The following BAZ1A variants were observed in gnomAD, a reference collection of about 807,000 sequenced individuals.
The protein encoded by BAZ1A is bromodomain adjacent to zinc finger domain 1A.
BAZ1A carries 50 observed loss-of-function variants against 185.2 expected under a neutral mutation model. That is an observed-to-expected ratio of 0.27 (90% CI 0.22 to 0.34). BAZ1A has a LOEUF of 0.34. Among genes scored for constraint, BAZ1A ranks in the 10% least tolerant of loss-of-function variants. The pLI, the probability that BAZ1A is intolerant of heterozygous loss-of-function variation, is 1.00. For synonymous variants in BAZ1A, 571 were observed against 615.6 expected (o/e 0.93, Z 1.07); for missense variants, 1,356 against 1,839.9 (o/e 0.74, Z 4.81).
intron 3 of BAZ1A, among the ~76,000 whole-genome samples, chr14:34,839,298 C>A (rs1322462940): frequency 1.3e-5 from 2 of 152,126 alleles, no homozygotes; most frequent in Non-Finnish European, 2.9e-5. Context: ...GTAATCCCAG[C>A]ACTTTGGGAG....
intron 4 of BAZ1A, among the ~76,000 whole-genome samples, chr14:34,824,372 T>TC (rs1466792010): frequency 2.3e-5 from 1 of 42,832 alleles, no homozygotes; most frequent in African/African-American, 1.2e-4. Flanking sequence ...GGACTCCATC[T>TC]CTTTAAAAAA....
chr14:34,802,769 T>C, intron 7 of BAZ1A, 85 bp downstream of exon 7: 2 of 1,401,778 alleles, frequency 1.4e-6, no homozygotes. Flanking sequence ...AGGCTATGGA[T>C]GTGAGGGGAG....
chr14:34,830,947 G>A (rs944757960), intron 3 of BAZ1A, among the ~76,000 whole-genome samples: 3 of 151,882 alleles, frequency 2.0e-5, no homozygotes, highest in Non-Finnish European at 2.9e-5. Flanking sequence ...AGTAGAGATG[G>A]GGTTTCTCCA....
intron 11 of BAZ1A, among the ~76,000 whole-genome samples, chr14:34,793,321 C>T (rs777335180): frequency 1.3e-5 from 2 of 152,146 alleles, no homozygotes; most frequent in Non-Finnish European, 2.9e-5. Context: ...GGTCATTATC[C>T]GCATTAGGTT....
At chr14:34,759,995 C>A (rs1886453630) in intron 24 of BAZ1A, among the ~76,000 whole-genome samples, 1 of 152,026 alleles carries the variant, frequency 6.6e-6, no homozygotes, top group Non-Finnish European at 1.5e-5. Flanking sequence ...ATTTTAATAT[C>A]TAGATAATGT....
intron 23 of BAZ1A, among the ~76,000 whole-genome samples, chr14:34,764,215 A>G (rs117707680): frequency 0.064 from 9,628 of 151,224 alleles, 416 homozygotes; most frequent in Non-Finnish European, 0.099. Context: ...CCTTGGGAAT[A>G]TTTTTGAATG....
At chr14:34,754,074 G>A (rs1406386581) in intron 26 of BAZ1A, among the ~76,000 whole-genome samples, 1 of 151,814 alleles carries the variant, frequency 6.6e-6, no homozygotes, top group African/African-American at 2.4e-5. Context: ...GCAACATGGT[G>A]AAACCCCATC....
At chr14:34,773,761 A>T (rs1879397677) in intron 19 of BAZ1A, 35 bp from the exon 20 acceptor site, 1 of 1,602,824 alleles carries the variant, frequency 6.2e-7, no homozygotes, top group African/African-American at 1.3e-5. Context: ...ACCATGAAAA[A>T]TGGAATATAT....
intron 14 of BAZ1A, among the ~76,000 whole-genome samples, chr14:34,784,453 T>G (rs919274926): frequency 3.9e-5 from 6 of 151,972 alleles, no homozygotes; most frequent in African/African-American, 1.4e-4. Context: ...AATGTCTATC[T>G]TGTATACTAG....
intron 2 of BAZ1A, among the ~76,000 whole-genome samples, chr14:34,866,502 A>AAAAAAAAG: frequency 1.3e-5 from 1 of 79,538 alleles, no homozygotes; most frequent in African/African-American, 3.8e-5. Flanking sequence ...AAAAAAAAAA[A>AAAAAAAAG]GAAAAAAGTT....
intron 4 of BAZ1A, among the ~76,000 whole-genome samples, chr14:34,820,539 T>C (rs1315054390): frequency 2.0e-5 from 3 of 152,256 alleles, no homozygotes; most frequent in Non-Finnish European, 4.4e-5. Flanking sequence ...TCTCATTCTC[T>C]TGACAAGGTC....
At chr14:34,863,304 C>T (rs2042802563) in intron 2 of BAZ1A, among the ~76,000 whole-genome samples, 1 of 151,766 alleles carries the variant, frequency 6.6e-6, no homozygotes, top group Non-Finnish European at 1.5e-5. Context: ...GCTGGGATTA[C>T]AGGCATGTGC....
chr14:34,771,493 A>G lies in BAZ1A; in HGVS notation c.3301+18T>C. The stretch of plus-strand genomic sequence containing the variant: ...CTTATAACACAACTAATATTTTGAA[A>G]TAAAAACAGATACTTACCAAGTGGA... On this transcript the variant is annotated intron_variant, in intron 21 of 26. Transcript: ENST00000360310. 1 of 1,594,468 alleles carries G rather than the reference A, an allele frequency of 6.3e-7. No individual in the cohort carries two copies. The highest frequency in any genetic ancestry group is 8.5e-7 in the Non-Finnish European group (1 of 1,173,408).
intron 4 of BAZ1A, among the ~76,000 whole-genome samples, chr14:34,820,311 T>C (rs927294937): frequency 6.6e-6 from 1 of 151,950 alleles, no homozygotes; most frequent in Admixed American, 6.6e-5. Flanking sequence ...TGTGGTTTTT[T>C]GTAGAGATGG....
At chr14:34,795,279 C>G (rs1182845587) in intron 10 of BAZ1A, among the ~76,000 whole-genome samples, 2 of 152,148 alleles carry the variant, frequency 1.3e-5, no homozygotes, top group African/African-American at 2.4e-5. Flanking sequence ...ATTAATCTAC[C>G]ATCTACTAAT....
chr14:34,762,059 C>G lies in BAZ1A; in HGVS notation c.3941G>C (p.Ser1314Thr). The G allele has an allele frequency of 6.2e-7, 1 of 1,614,148 alleles. No homozygotes were observed. Among genetic ancestry groups the G allele is most frequent in the South Asian group, 1.1e-5 (1 of 91,086 alleles). ...AGGAGCAGAGTTTATCTTTCTTAGG[C>G]TTCTACCAGTTTTAGAAGAAACAGT... ...KTTVSSKTGR[S>T]LRKINSAPPT... The change falls in exon 24 of 27, where the codon AGC becomes ACC. Residue 1314 changes from serine (S) to threonine (T), a missense_variant. Physicochemically the swap from Ser to Thr is moderately conservative, Grantham distance 58 (BLOSUM62 1). Around this residue, in one of 7 missense-constraint regions of BAZ1A, gnomAD observed 309 missense variants for 355.3 expected, o/e 0.87. Coordinates refer to ENST00000360310, the MANE Select transcript of BAZ1A (RefSeq NM_013448.3).
rs553156796 is a variant in BAZ1A, at chr14:34,758,409, G to A, written c.4386+295C>T. On this transcript the variant is annotated intron_variant, in intron 25 of 26. Coordinates refer to ENST00000360310, the MANE Select transcript of BAZ1A (RefSeq NM_013448.3). ...AGCCTGACCAACATGTTGAAACCCC[G>A]TCTCTACTAAAAATAGAAATATTAG... is the stretch of plus-strand genomic sequence containing the variant. Among the ~76,000 whole-genome samples the A allele has an allele frequency of 4.6e-5, 7 of 151,948 alleles. No individual in the cohort carries two copies. In the South Asian group the frequency reaches 6.2e-4, roughly 14 times the overall value.
intron 3 of BAZ1A, among the ~76,000 whole-genome samples, chr14:34,830,263 A>T (rs1307760611): frequency 6.6e-6 from 1 of 152,208 alleles, no homozygotes. Flanking sequence ...TGATCATTAA[A>T]ATGTGGTATA....
intron 25 of BAZ1A, 163 bp downstream of exon 25, chr14:34,758,541 C>T (rs1023291496): frequency 1.2e-5 from 8 of 646,416 alleles, no homozygotes; most frequent in South Asian, 2.2e-5. Flanking sequence ...GATCGCGCCA[C>T]TGCACTCCAG....
Sources: gnomAD v4.1 joint callset for allele counts (sites outside exome capture counted in the v4.1 genomes callset) on GRCh38, gnomAD v4.1.1 for gene constraint, gnomAD v4.1.1 regional missense constraint, MANE v1.5 for transcripts, NCBI Gene and HGNC (gene_info 2026-07-23, HGNC 2026-07-21) for gene names.